The following MAP3K13 variants were observed in gnomAD, a reference collection of about 807,000 sequenced individuals.
MAP3K13 encodes the protein mitogen-activated protein kinase kinase kinase 13, also known as leucine zipper-bearing kinase.
In MAP3K13, 52 loss-of-function variants were observed where a neutral mutation model predicts 104.0. The observed-to-expected ratio is 0.50, with a 90% CI of 0.40 to 0.63. MAP3K13 has a LOEUF of 0.63. Among genes scored for constraint, MAP3K13 ranks in the 20% least tolerant of loss-of-function variants. The pLI is 0.00. For missense variants in MAP3K13, 914 were observed against 1,218.5 expected (o/e 0.75, Z 3.72); for synonymous variants, 394 against 442.2 (o/e 0.89, Z 1.37).
At chr3:185,475,103 A>G (rs1465351664) in intron 11 of MAP3K13, among the ~76,000 whole-genome samples, 1 of 151,344 alleles carries the variant, frequency 6.6e-6, no homozygotes, top group Non-Finnish European at 1.5e-5. Flanking sequence ...CAAAAAAAAA[A>G]AAAAAAAAAA....
intron 1 of MAP3K13, among the ~76,000 whole-genome samples, chr3:185,386,110 A>G (rs1711670385): frequency 6.6e-6 from 1 of 152,188 alleles, no homozygotes; most frequent in Admixed American, 6.5e-5. Flanking sequence ...AAAACTGTCA[A>G]CAGAATAAAC....
At chr3:185,426,776 ACTTG>A (rs1714445363) in intron 1 of MAP3K13, among the ~76,000 whole-genome samples, 1 of 151,626 alleles carries the variant, frequency 6.6e-6, no homozygotes. Flanking sequence ...CACCTTCCTG[ACTTG>A]CTTAATGAAT....
Position 185,451,318 on chromosome 3 carries a change from C to T in MAP3K13, c.1201C>T (p.Arg401Trp), listed in dbSNP as rs775670152. ...QSKPRNRPSFRQTLMHLDIAS... is the reference protein window; with the variant it reads ...QSKPRNRPSFWQTLMHLDIAS... Reference sequence around the variant, plus strand: ...TAAACCTCGAAACCGACCTTCTTTTCGGCAGACACTCATGCATTTAGACAT... The same window carrying T: ...TAAACCTCGAAACCGACCTTCTTTTTGGCAGACACTCATGCATTTAGACAT... The change falls in exon 7 of 14, where the codon CGG (arginine) becomes TGG (tryptophan). Residue 401 changes from arginine to tryptophan, a missense_variant. By Grantham distance (101) the Arg-to-Trp change is moderately radical. Around this residue, in one of 3 missense-constraint regions of MAP3K13, gnomAD observed 583 missense variants for 737.4 expected, o/e 0.79. Transcript: ENST00000265026. 5.6e-6 allele frequency: 9 copies of T among 1,612,860 alleles called. No individual in the cohort carries two copies. Among genetic ancestry groups the T allele is most frequent in the Admixed American group, 3.3e-5 (2 of 59,818 alleles).
intron 2 of MAP3K13, among the ~76,000 whole-genome samples, chr3:185,317,333 C>T (rs569282590): frequency 6.6e-6 from 1 of 152,240 alleles, no homozygotes. Context: ...CTAAATTGTC[C>T]TTCCTGTTGC....
chr3:185,380,488 C>T (rs1056465695), intron 1 of MAP3K13, among the ~76,000 whole-genome samples: 4 of 136,022 alleles, frequency 2.9e-5, no homozygotes, highest in African/African-American at 5.6e-5. Context: ...TCCAGCCTGG[C>T]GACAGAGCGA....
chr3:185,310,743 TATATG>T (rs1310609897), intron 2 of MAP3K13, among the ~76,000 whole-genome samples: 1 of 152,198 alleles, frequency 6.6e-6, no homozygotes, highest in Admixed American at 6.5e-5. Flanking sequence ...GAAAAAAAGA[TATATG>T]AGAAAGAAAT....
intron 7 of MAP3K13, among the ~76,000 whole-genome samples, chr3:185,455,267 ATATATAT>A (rs1349414551): frequency 1.5e-5 from 1 of 65,372 alleles, no homozygotes; most frequent in African/African-American, 4.1e-5. Context: ...GATATATGAG[ATATATAT>A]GAGATATATG....
At chr3:185,433,904 A>G (rs903798046) in intron 2 of MAP3K13, among the ~76,000 whole-genome samples, 1 of 152,228 alleles carries the variant, frequency 6.6e-6, no homozygotes, top group African/African-American at 2.4e-5. Context: ...GTGAGTTACA[A>G]TGTAAGTATC....
At position 185,484,873 on chromosome 3, in the gene MAP3K13, G is replaced by A. The variant is rs1478705224; in HGVS notation, c.*2417G>A. On this transcript the variant is annotated 3_prime_UTR_variant, in exon 14 of 14. Transcript: ENST00000265026. ...AATGGTTGTGTTTATTGCTAACCAGGAATTATTATGGATTTTATGATTTTA... is the reference window on the plus strand; with the variant it reads ...AATGGTTGTGTTTATTGCTAACCAGAAATTATTATGGATTTTATGATTTTA... 1 of 152,110 alleles carries A rather than the reference G, an allele frequency of 6.6e-6. No homozygotes were observed. The highest frequency in any genetic ancestry group is 1.5e-5 in the Non-Finnish European group (1 of 68,024). 9.4% of individuals were successfully genotyped at this position (152,110 alleles called of 1,614,324 possible).
At chr3:185,408,640 T>C (rs1322600452) in intron 1 of MAP3K13, among the ~76,000 whole-genome samples, 1 of 151,836 alleles carries the variant, frequency 6.6e-6, no homozygotes, top group East Asian at 1.9e-4. Flanking sequence ...GTTTAGTATA[T>C]CCTGTATACA....
intron 1 of MAP3K13, among the ~76,000 whole-genome samples, chr3:185,283,548 C>T (rs1302783993): frequency 1.3e-5 from 2 of 152,204 alleles, no homozygotes; most frequent in Non-Finnish European, 2.9e-5. Flanking sequence ...TCCCAAATTT[C>T]AGTATTCTAA....
chr3:185,446,043 C>G (rs968647513), intron 4 of MAP3K13, among the ~76,000 whole-genome samples: 1 of 152,150 alleles, frequency 6.6e-6, no homozygotes, highest in Admixed American at 6.5e-5. Flanking sequence ...ATAAATTTTA[C>G]ATATTACGTG....
At chr3:185,319,396 C>T (rs535816365) in intron 2 of MAP3K13, among the ~76,000 whole-genome samples, 1 of 152,214 alleles carries the variant, frequency 6.6e-6, no homozygotes, top group African/African-American at 2.4e-5. Flanking sequence ...TCACGGCACA[C>T]ATAGAAAATG....
At chr3:185,443,204 G>A (rs1287096594) in intron 3 of MAP3K13, among the ~76,000 whole-genome samples, 1 of 152,140 alleles carries the variant, frequency 6.6e-6, no homozygotes, top group Non-Finnish European at 1.5e-5. Flanking sequence ...AAAGGCACCA[G>A]ACACAGCACA....
chr3:185,330,377 T>C (rs1722220244), intron 2 of MAP3K13, among the ~76,000 whole-genome samples: 2 of 152,056 alleles, frequency 1.3e-5, no homozygotes, highest in African/African-American at 2.4e-5. Context: ...GGGCCCCAAC[T>C]GAATCTCGGT....
chr3:185,449,773 T>C (rs1388300245), intron 5 of MAP3K13, 127 bp from the exon 6 acceptor site: 1 of 767,654 alleles, frequency 1.3e-6, no homozygotes, highest in East Asian at 2.9e-5. Flanking sequence ...GTTTCTGTTT[T>C]TCTTATAGCA....
At chr3:185,409,198 T>C (rs1713287878) in intron 1 of MAP3K13, among the ~76,000 whole-genome samples, 1 of 152,080 alleles carries the variant, frequency 6.6e-6, no homozygotes, top group East Asian at 1.9e-4. Context: ...TGAAACCCCG[T>C]CTCTACCAAA....
intron 1 of MAP3K13, among the ~76,000 whole-genome samples, chr3:185,411,788 T>C (rs973313057): frequency 5.4e-5 from 8 of 148,820 alleles, no homozygotes; most frequent in Non-Finnish European, 8.9e-5. Context: ...TGTCTTTTTT[T>C]TTTTTTTTTT....
Position 185,384,330 on chromosome 3 carries a change from G to GTGTGTGTGTGTA in MAP3K13, c.-86+20970_-86+20971insTGTATGTGTGTG. The stretch of plus-strand genomic sequence containing the variant: ...ATTCTGTGTGTGTGTGTGTGTGTGT[G>GTGTGTGTGTGTA]TGTGTGTGAGACACATTGTCTCTAT... On this transcript the variant is annotated intron_variant, in intron 1 of 13. Coordinates refer to ENST00000265026, the MANE Select transcript of MAP3K13 (RefSeq NM_004721.5). Among the ~76,000 whole-genome samples, 2 of 152,032 alleles carry GTGTGTGTGTGTA rather than the reference G, an allele frequency of 1.3e-5. 1 individual carries two copies. The highest frequency in any genetic ancestry group is 4.2e-4 in the South Asian group (2 of 4,810).
Sources: gnomAD v4.1 joint callset for allele counts (sites outside exome capture counted in the v4.1 genomes callset) on GRCh38, gnomAD v4.1.1 for gene constraint, gnomAD v4.1.1 regional missense constraint, MANE v1.5 for transcripts, NCBI Gene and HGNC (gene_info 2026-07-23, HGNC 2026-07-21) for gene names.